LRRC7: variants seen among roughly 807,000 people sequenced by gnomAD.
The protein encoded by LRRC7 is leucine-rich repeat-containing protein 7.
Under a neutral mutation model 175.7 loss-of-function variants are expected in LRRC7, and 23 were observed. The observed-to-expected ratio is 0.13, with a 90% CI of 0.09 to 0.19. LRRC7 has a LOEUF of 0.19. LRRC7 is among the 10% of genes least tolerant of loss of function. The pLI is 1.00. For synonymous variants in LRRC7, 685 were observed against 680.9 expected (o/e 1.01, Z -0.09); for missense variants, 1,354 against 1,904.7 (o/e 0.71, Z 5.38).
In LRRC7 at chr1:70,126,631, A is replaced by C. The variant is rs1426746498; in HGVS notation, c.*4744A>C. Among the ~76,000 whole-genome samples, 4 of 152,188 alleles carry C rather than the reference A, an allele frequency of 2.6e-5. No homozygotes were observed. Among genetic ancestry groups the C allele is most frequent in the African/African-American group, 7.2e-5 (3 of 41,440 alleles). On this transcript the variant is annotated 3_prime_UTR_variant, in exon 27 of 27. Transcript: ENST00000651989. The stretch of plus-strand genomic sequence containing the variant: ...CACCAACACCATACCCAAAGAATAC[A>C]TTATAGCAAGAAAACAGAATGTGGG...
intron 8 of LRRC7, among the ~76,000 whole-genome samples, chr1:69,958,152 G>A (rs12032126): frequency 0.071 from 10,809 of 151,846 alleles, 413 homozygotes; most frequent in South Asian, 0.11. Flanking sequence ...AAAAATATTT[G>A]CAGCCATAAA....
chr1:69,757,704 T>A (rs1290231478), intron 2 of LRRC7, among the ~76,000 whole-genome samples: 1 of 152,052 alleles, frequency 6.6e-6, no homozygotes, highest in East Asian at 1.9e-4. Context: ...TGTGCAATGA[T>A]AGCAACACAG....
chr1:69,966,796 G>A lies in LRRC7; in HGVS notation c.712-13583G>A, dbSNP rs1244789. Among the ~76,000 whole-genome samples, 370 of 152,350 alleles carry A rather than the reference G, an allele frequency of 2.4e-3. 2 individuals are homozygous for A. Among genetic ancestry groups the A allele is most frequent in the African/African-American group, 8.6e-3 (356 of 41,582 alleles). ...ATTTAGAGAGCCGAGCAAAATACAGGGGTAGAGGAAGCAGCGGGAAAATCC... is the reference window on the plus strand; with the variant it reads ...ATTTAGAGAGCCGAGCAAAATACAGAGGTAGAGGAAGCAGCGGGAAAATCC... On this transcript the variant is annotated intron_variant, in intron 8 of 26. Transcript: ENST00000651989.
intron 8 of LRRC7, among the ~76,000 whole-genome samples, chr1:69,979,940 A>T (rs1266450115): frequency 6.6e-6 from 1 of 151,960 alleles, no homozygotes; most frequent in African/African-American, 2.4e-5. Flanking sequence ...GTTTGTGTGC[A>T]AGGCGCTAAT....
chr1:69,905,960 T>C (rs1206221369), intron 7 of LRRC7, among the ~76,000 whole-genome samples: 4 of 152,246 alleles, frequency 2.6e-5, no homozygotes, highest in Admixed American at 6.5e-5. Context: ...CTAACTGGTG[T>C]GAGATGGTAT....
chr1:69,568,174 T>TA lies in LRRC7; in HGVS notation c.-465dup, dbSNP rs1191284684. Reference sequence around the variant, plus strand: ...AGGCGCGGCAACGGGCAGGGGTTGTTACGGAGTTGGGTGCAGGATTCGCCT... The same window carrying TA: ...AGGCGCGGCAACGGGCAGGGGTTGTTAACGGAGTTGGGTGCAGGATTCGCCT... On this transcript the variant is annotated 5_prime_UTR_variant, in exon 1 of 27. Coordinates refer to ENST00000651989, the MANE Select transcript of LRRC7 (RefSeq NM_001370785.2). Among the ~76,000 whole-genome samples, 1 of 151,912 alleles carries TA rather than the reference T, an allele frequency of 6.6e-6. No homozygotes were observed. The highest frequency in any genetic ancestry group is 2.1e-4 in the South Asian group (1 of 4,808).
In LRRC7 at chr1:69,837,278, T is replaced by G. The variant is rs1681226775; in HGVS notation, c.591-949T>G. 2.0e-5 allele frequency among the ~76,000 whole-genome samples: 3 copies of G among 151,868 alleles called. No homozygotes were observed. In the South Asian group the frequency reaches 6.2e-4, roughly 32 times the overall value. On this transcript the variant is annotated intron_variant, in intron 6 of 26. Coordinates refer to ENST00000651989, the MANE Select transcript of LRRC7 (RefSeq NM_001370785.2). ...AAATGTTAAAATATGCGCCTTAGAG[T>G]CAATGAAATATGGTATATTGCAGCA...
At chr1:69,930,642 T>C (rs982474359) in intron 7 of LRRC7, among the ~76,000 whole-genome samples, 1 of 152,208 alleles carries the variant, frequency 6.6e-6, no homozygotes, top group African/African-American at 2.4e-5. Flanking sequence ...TTAGTCTGTT[T>C]TCACACTGCT....
Position 69,781,723 on chromosome 1 carries a change from GAAAGAA to G in LRRC7, c.304-10318_304-10313del, listed in dbSNP as rs1557719320. On this transcript the variant is annotated intron_variant, in intron 3 of 26. Coordinates refer to ENST00000651989, the MANE Select transcript of LRRC7 (RefSeq NM_001370785.2). ...AGAAAGAAAGAAAGAAAGAAAGAAA[GAAAGAA>G]AGAAAGAGAGAGAGAGAGAGAGAGA... 4.9e-4 allele frequency among the ~76,000 whole-genome samples: 15 copies of G among 30,660 alleles called. 1 individual carries two copies. Among genetic ancestry groups the G allele is most frequent in the African/African-American group, 2.6e-3 (13 of 4,948 alleles). The allele number at this position is 30,660 out of a possible 152,430, so 20.1% of individuals were successfully genotyped here.
chr1:69,773,394 G>A (rs1672456781), intron 3 of LRRC7, among the ~76,000 whole-genome samples: 1 of 152,138 alleles, frequency 6.6e-6, no homozygotes, highest in African/African-American at 2.4e-5. Flanking sequence ...ACTGAAGTTT[G>A]TTCAAACCAT....
chr1:70,029,209 A>G (rs1043097789), intron 18 of LRRC7, among the ~76,000 whole-genome samples: 1 of 152,214 alleles, frequency 6.6e-6, no homozygotes, highest in African/African-American at 2.4e-5. Context: ...AAATGTGTCA[A>G]TAATACCCCA....
At position 70,129,539 on chromosome 1, in the gene LRRC7, G is replaced by C. The variant is rs1455142812; in HGVS notation, c.*7652G>C. On this transcript the variant is annotated 3_prime_UTR_variant, in exon 27 of 27. Coordinates refer to ENST00000651989, the MANE Select transcript of LRRC7 (RefSeq NM_001370785.2). ...TTCAACACTTTAAAAAGTGTGGGGGGGTTGCTTGAAAAGAGTCTTCTAGGT... is the reference window on the plus strand; with the variant it reads ...TTCAACACTTTAAAAAGTGTGGGGGCGTTGCTTGAAAAGAGTCTTCTAGGT... Among the ~76,000 whole-genome samples, 5 of 152,128 alleles carry C rather than the reference G, an allele frequency of 3.3e-5. No homozygotes were observed. Among genetic ancestry groups the C allele is most frequent in the African/African-American group, 4.8e-5 (2 of 41,424 alleles).
chr1:69,729,215 C>A (rs1667296573), intron 2 of LRRC7, among the ~76,000 whole-genome samples: 1 of 152,076 alleles, frequency 6.6e-6, no homozygotes, highest in South Asian at 2.1e-4. Flanking sequence ...ACAGCCAAAC[C>A]ATATCATTCT....
At chr1:69,893,846 T>C (rs1187720700) in intron 7 of LRRC7, among the ~76,000 whole-genome samples, 1 of 152,134 alleles carries the variant, frequency 6.6e-6, no homozygotes, top group Admixed American at 6.5e-5. Flanking sequence ...CTCAATGAGC[T>C]CTTGGTTTTG....
intron 1 of LRRC7, among the ~76,000 whole-genome samples, chr1:69,619,377 G>A (rs1168821521): frequency 1.3e-5 from 2 of 150,104 alleles, no homozygotes; most frequent in Non-Finnish European, 3.0e-5. Context: ...CTTCACTGCA[G>A]CTCGCTTACT....
intron 11 of LRRC7, among the ~76,000 whole-genome samples, chr1:70,005,786 G>A (rs1052877917): frequency 2.6e-5 from 4 of 152,138 alleles, no homozygotes; most frequent in Non-Finnish European, 5.9e-5. Context: ...TCTAGGAGCT[G>A]GTTATACATG....
intron 7 of LRRC7, among the ~76,000 whole-genome samples, chr1:69,921,265 A>T (rs954959624): frequency 6.6e-6 from 1 of 152,176 alleles, no homozygotes; most frequent in African/African-American, 2.4e-5. Flanking sequence ...CAGGTAGAGT[A>T]GATAAGATTT....
At chr1:70,072,595 T>C (rs1487055874) in intron 23 of LRRC7, among the ~76,000 whole-genome samples, 1 of 150,720 alleles carries the variant, frequency 6.6e-6, no homozygotes, top group Non-Finnish European at 1.5e-5. Flanking sequence ...CTGCTGCTGC[T>C]GCTGCTGCTG....
At chr1:69,859,497 C>T (rs556068707) in intron 7 of LRRC7, among the ~76,000 whole-genome samples, 8 of 152,100 alleles carry the variant, frequency 5.3e-5, no homozygotes, top group African/African-American at 1.9e-4. Flanking sequence ...TTTGAATATT[C>T]TTTCTTCCTT....
Sources: allele counts gnomAD v4.1 joint callset (sites outside exome capture counted in the v4.1 genomes callset), GRCh38; gene constraint gnomAD v4.1.1; transcripts MANE v1.5; gene names NCBI Gene and HGNC (gene_info 2026-07-23, HGNC 2026-07-21).